HYCC1: variants seen among roughly 807,000 people sequenced by gnomAD.
HYCC1 encodes hyccin PI4KA lipid kinase complex subunit 1.
At chr7:22,931,197 T>C in the HYCC1 span, among the ~76,000 whole-genome samples, 7 of 138,424 alleles carry the variant, frequency 5.1e-5, 1 homozygote, top group Middle Eastern at 0.021. Flanking sequence ...GAAGGCCATC[T>C]AATGACAGAG....
chr7:22,979,868 T>C, the HYCC1 span, among the ~76,000 whole-genome samples: 4 of 152,284 alleles, frequency 2.6e-5, no homozygotes, highest in East Asian at 3.9e-4. Flanking sequence ...GGTAGAAATA[T>C]ATTGCAACAA....
chr7:22,903,928 A>G, the HYCC1 span, among the ~76,000 whole-genome samples: 1 of 152,192 alleles, frequency 6.6e-6, no homozygotes, highest in Non-Finnish European at 1.5e-5. Context: ...TTTATTATGA[A>G]ATGTTGAAGG....
chr7:23,002,138 A>G, the HYCC1 span, among the ~76,000 whole-genome samples: 11 of 8,080 alleles, frequency 1.4e-3, no homozygotes, highest in South Asian at 9.6e-3. Context: ...TAAAAATTGT[A>G]TATATATATA....
At chr7:22,941,604 A>G in the HYCC1 span, 1 of 152,178 alleles carries the variant, frequency 6.6e-6, no homozygotes, top group African/African-American at 2.4e-5. Flanking sequence ...AAAACTTCCT[A>G]TTAAGACAAA....
chr7:22,917,528 G>C, the HYCC1 span, among the ~76,000 whole-genome samples: 2 of 152,156 alleles, frequency 1.3e-5, no homozygotes, highest in African/African-American at 4.8e-5. Context: ...CCCCGAGTCA[G>C]GAAACTAAAA....
At chr7:22,973,220 AACTT>A in the HYCC1 span, among the ~76,000 whole-genome samples, 1 of 152,204 alleles carries the variant, frequency 6.6e-6, no homozygotes, top group Non-Finnish European at 1.5e-5. Context: ...AACCATTTCT[AACTT>A]ACTTATCACC....
the HYCC1 span, among the ~76,000 whole-genome samples, chr7:22,955,043 A>G: frequency 5.3e-5 from 8 of 151,592 alleles, no homozygotes; most frequent in African/African-American, 1.9e-4. Context: ...TTACTGTAAT[A>G]GTGATATACA....
chr7:22,983,619 A>G, the HYCC1 span: 3 of 268,526 alleles, frequency 1.1e-5, no homozygotes, highest in African/African-American at 4.4e-5. Context: ...GTGTTACTCA[A>G]TTTGATTCTC....
the HYCC1 span, among the ~76,000 whole-genome samples, chr7:23,007,039 G>A: frequency 6.6e-6 from 1 of 152,046 alleles, no homozygotes; most frequent in Non-Finnish European, 1.5e-5. Context: ...TGCATTATAT[G>A]AACAACAATT....
chr7:22,930,318 T>G, the HYCC1 span, among the ~76,000 whole-genome samples: 1 of 134,208 alleles, frequency 7.5e-6, no homozygotes, highest in Non-Finnish European at 1.5e-5. Context: ...ATTGTGCACA[T>G]GTACCCTAAA....
chr7:22,987,273 G>A, the HYCC1 span, among the ~76,000 whole-genome samples: 3 of 152,328 alleles, frequency 2.0e-5, no homozygotes, highest in East Asian at 1.9e-4. Flanking sequence ...TAGGACAAGC[G>A]CGGTGGCTCA....
At chr7:23,011,950 C>A in the HYCC1 span, among the ~76,000 whole-genome samples, 2 of 152,174 alleles carry the variant, frequency 1.3e-5, no homozygotes, top group Admixed American at 6.5e-5. Flanking sequence ...CTACACTAGG[C>A]ATATCTCTAT....
At chr7:22,999,889 A>T in the HYCC1 span, among the ~76,000 whole-genome samples, 6 of 152,172 alleles carry the variant, frequency 3.9e-5, no homozygotes, top group African/African-American at 9.7e-5. Context: ...AGCACCTTAC[A>T]TTTTCTAGAC....
At chr7:22,984,021 T>G in the HYCC1 span, 5 of 1,602,612 alleles carry the variant, frequency 3.1e-6, no homozygotes, top group Non-Finnish European at 4.3e-6. Context: ...GTGGCATAAT[T>G]TGGTAAAGAT....
the HYCC1 span, among the ~76,000 whole-genome samples, chr7:22,956,613 T>C: frequency 6.6e-6 from 1 of 151,778 alleles, no homozygotes; most frequent in Non-Finnish European, 1.5e-5. Flanking sequence ...GGATGCACTG[T>C]CTGGTCAAAA....
chr7:23,005,474 AG>A, the HYCC1 span, among the ~76,000 whole-genome samples: 1 of 152,350 alleles, frequency 6.6e-6, no homozygotes, highest in East Asian at 1.9e-4. Context: ...TTCTGAAAAG[AG>A]GGGGCACAGG....
the HYCC1 span, among the ~76,000 whole-genome samples, chr7:22,966,528 T>G: frequency 6.6e-6 from 1 of 152,204 alleles, no homozygotes; most frequent in African/African-American, 2.4e-5. Context: ...AAATAAACAG[T>G]AAGTTTTTAT....
chr7:22,928,270 T>C, the HYCC1 span, among the ~76,000 whole-genome samples: 2 of 152,304 alleles, frequency 1.3e-5, no homozygotes, highest in South Asian at 2.1e-4. Context: ...CTTTGAAAAC[T>C]GGCACAAGAC....
chr7:23,007,041 A>T, the HYCC1 span, among the ~76,000 whole-genome samples: 1 of 152,200 alleles, frequency 6.6e-6, no homozygotes, highest in Non-Finnish European at 1.5e-5. Flanking sequence ...CATTATATGA[A>T]CAACAATTTT....
Sources: gnomAD v4.1 joint callset for allele counts (sites outside exome capture counted in the v4.1 genomes callset) on GRCh38, gnomAD v4.1.1 for gene constraint, MANE v1.5 for transcripts, NCBI Gene and HGNC (gene_info 2026-07-23, HGNC 2026-07-21) for gene names.